The following SLC5A10 variants were observed in gnomAD, a reference collection of about 807,000 sequenced individuals.
SLC5A10 encodes sodium/mannose cotransporter SLC5A10.
SLC5A10 carries 55 observed loss-of-function variants against 68.9 expected under a neutral mutation model. The ratio of observed to expected loss-of-function variants is 0.80; its 90% CI spans 0.64 to 1.00. The LOEUF (loss-of-function observed/expected upper bound fraction) is 1.00. Among genes scored for constraint, SLC5A10 ranks in the 50% least tolerant of loss-of-function variants. The probability of loss-of-function intolerance (pLI) is 0.00; values close to 1 mark genes in which losing one functional copy is unlikely to be tolerated. For synonymous variants in SLC5A10, 344 were observed against 344.8 expected, an observed-to-expected ratio of 1.00 and a Z score of 0.02; for missense variants, 732 against 819.3, an observed-to-expected ratio of 0.89 and a Z score of 1.30.
chr17:18,983,720 G>A (rs543662937), intron 9 of SLC5A10, among the ~76,000 whole-genome samples: 25 of 152,306 alleles, frequency 1.6e-4, no homozygotes, highest in African/African-American at 6.0e-4. Flanking sequence ...GAGAGGGGTG[G>A]TCAACACTCA....
chr17:18,968,601 C>CTT lies in SLC5A10; in HGVS notation c.454-450_454-449insTT, dbSNP rs2042759273. On this transcript the variant is annotated intron_variant, in intron 5 of 14. Transcript: ENST00000395645. The surrounding 1 kb of genome is among the most constrained non-coding windows in gnomAD (Gnocchi z 4.1). ...GGGGGCAGGAAGCAAGGCTGCCCCT[C>CTT]TGTTTCCTGGTCCGCCCAGCACACA... Among the ~76,000 whole-genome samples the CTT allele has an allele frequency of 1.3e-5, 2 of 152,086 alleles. No individual in the cohort carries two copies. Among genetic ancestry groups the CTT allele is most frequent in the Admixed American group, 1.3e-4 (2 of 15,282 alleles).
chr17:18,966,091 C>G (rs755671473), intron 5 of SLC5A10, among the ~76,000 whole-genome samples: 2 of 152,164 alleles, frequency 1.3e-5, no homozygotes, highest in African/African-American at 4.8e-5. Flanking sequence ...CAACCAGGGC[C>G]GTGAAGCACT....
chr17:19,022,392 CAAT>C lies in SLC5A10; in HGVS notation c.*1963_*1965del, dbSNP rs1289964371. The C allele has an allele frequency of 3.4e-5, 13 of 387,424 alleles. No homozygotes were observed. In the East Asian group the frequency reaches 4.5e-4, roughly 13 times the overall value. 24.0% of individuals were successfully genotyped at this position (387,424 alleles called of 1,614,324 possible). A position where few individuals can be genotyped will look rare whatever the true frequency, so the allele number is the denominator to read the frequency against. Reference sequence around the variant, plus strand: ...GGCTTTCCCAGCCGCCCAGCTGGGACAATAGGGCTGGTGGGTCAGGGGACCTGA... The same window carrying C: ...GGCTTTCCCAGCCGCCCAGCTGGGACAGGGCTGGTGGGTCAGGGGACCTGA... On this transcript the variant is annotated 3_prime_UTR_variant, in exon 15 of 15. Transcript: ENST00000395645.
rs752060777 is a variant in SLC5A10, at chr17:19,019,752, G to A, written c.1450G>A (p.Ala484Thr). Reference protein sequence around the residue: ...WGLIAGLVVGATRLVLEFLNP... With the variant: ...WGLIAGLVVGTTRLVLEFLNP... ...CCTGATAGCAGGGCTGGTGGTGGGG[G>A]CCACGAGGCTGGTCCTGGAATTCCT... Residue 484 changes from alanine to threonine, a missense_variant, in exon 13 of 15, where the codon GCC becomes ACC. Physicochemically the swap from Ala to Thr is moderately conservative, Grantham distance 58. Coordinates refer to ENST00000395645, the MANE Select transcript of SLC5A10 (RefSeq NM_001042450.4). The A allele has an allele frequency of 1.9e-6, 3 of 1,612,258 alleles. No individual in the cohort carries two copies. Among genetic ancestry groups the A allele is most frequent in the Non-Finnish European group, 1.7e-6 (2 of 1,179,716 alleles).
intron 9 of SLC5A10, among the ~76,000 whole-genome samples, chr17:18,999,835 C>A (rs944591951): frequency 4.6e-5 from 7 of 152,240 alleles, no homozygotes; most frequent in African/African-American, 1.4e-4. Context: ...GCCTCACCTG[C>A]CCTCAGTTTC....
intron 9 of SLC5A10, chr17:18,977,761 C>T: frequency 6.2e-7 from 1 of 1,604,174 alleles, no homozygotes; most frequent in Non-Finnish European, 8.5e-7. Flanking sequence ...TGGCCACTTG[C>T]TCTGAGTGGC....
chr17:18,952,159 C>CT (rs1567772032), upstream of SLC5A10: 1 of 1,583,006 alleles, frequency 6.3e-7, no homozygotes, highest in Non-Finnish European at 8.6e-7. Context: ...ACCTGGTTTG[C>CT]CCCTCAGTCC....
At position 19,017,469 on chromosome 17, in the gene SLC5A10, G is replaced by T; in HGVS notation, c.1242-1954G>T. 1 of 1,383,504 alleles carries T rather than the reference G, an allele frequency of 7.2e-7. No homozygotes were observed. The highest frequency in any genetic ancestry group is 1.0e-6 in the Non-Finnish European group (1 of 996,070). The allele number at this position is 1,383,504 out of a possible 1,614,324, so 85.7% of individuals were successfully genotyped here. A position where few individuals can be genotyped will look rare whatever the true frequency, so the allele number is the denominator to read the frequency against. Reference sequence around the variant, plus strand: ...ACAGAGAGAAGACCAACAGCCCAGAGGCCTGGAGAGGAGGCCATCGCAGGG... The same window carrying T: ...ACAGAGAGAAGACCAACAGCCCAGATGCCTGGAGAGGAGGCCATCGCAGGG... On this transcript the variant is annotated intron_variant, in intron 11 of 14. Coordinates refer to ENST00000395645, the MANE Select transcript of SLC5A10 (RefSeq NM_001042450.4). This position sits in a 1 kb window ranked among gnomAD's most constrained non-coding sequence, Gnocchi z 5.6.
chr17:19,000,867 G>A lies in SLC5A10; in HGVS notation c.983-12543G>A, dbSNP rs537455022. On this transcript the variant is annotated intron_variant, in intron 9 of 14. Transcript: ENST00000395645. The surrounding 1 kb of genome is among the most constrained non-coding windows in gnomAD (Gnocchi z 5.2). The stretch of plus-strand genomic sequence containing the variant: ...CAGACAAAGCGCCCCGTCAGCATCC[G>A]TCAGTGTCCGGGCCCTGCCCCTGTG... Among the ~76,000 whole-genome samples, 21 of 152,282 alleles carry A rather than the reference G, an allele frequency of 1.4e-4. No individual in the cohort carries two copies. Among genetic ancestry groups the A allele is most frequent in the African/African-American group, 4.6e-4 (19 of 41,566 alleles).
intron 9 of SLC5A10, among the ~76,000 whole-genome samples, chr17:18,987,488 A>G (rs913408190): frequency 1.3e-5 from 2 of 152,242 alleles, no homozygotes; most frequent in Non-Finnish European, 2.9e-5. Flanking sequence ...GGCTGGCAGA[A>G]GGAGGGCTCC....
In SLC5A10 at chr17:19,004,568, T is replaced by A. The variant is rs2043827761; in HGVS notation, c.983-8842T>A. 6.6e-6 allele frequency: 1 copy of A among 151,698 alleles called. No individual in the cohort carries two copies. The highest frequency in any genetic ancestry group is 1.5e-5 in the Non-Finnish European group (1 of 67,880). The allele number at this position is 151,698 out of a possible 1,614,324, so 9.4% of individuals were successfully genotyped here. ...CGGGTAAGGGAGGGGTCTTAAAATT[T>A]CCGGGTGCCGGCAACCCAGGAGGCC... On this transcript the variant is annotated intron_variant, in intron 9 of 14. Coordinates refer to ENST00000395645, the MANE Select transcript of SLC5A10 (RefSeq NM_001042450.4). The surrounding 1 kb of genome is among the most constrained non-coding windows in gnomAD (Gnocchi z 5.4).
chr17:18,961,412 TC>T (rs2042611642), intron 5 of SLC5A10, among the ~76,000 whole-genome samples: 1 of 152,114 alleles, frequency 6.6e-6, no homozygotes, highest in Non-Finnish European at 1.5e-5. Context: ...CCTCCGAGCC[TC>T]CCTGTGCCTG....
intron 7 of SLC5A10, chr17:18,970,711 G>A (rs560297356): frequency 2.9e-5 from 12 of 417,472 alleles, no homozygotes; most frequent in African/African-American, 9.9e-5. Context: ...GCCCAAGGCC[G>A]ATGAGTGTCC....
intron 9 of SLC5A10, among the ~76,000 whole-genome samples, chr17:18,992,984 C>G (rs886284): frequency 0.084 from 12,809 of 152,260 alleles, 679 homozygotes; most frequent in South Asian, 0.24. Flanking sequence ...GACCACAGAA[C>G]CACTCTTGAA....
chr17:18,979,703 A>C, intron 9 of SLC5A10: 1 of 1,611,828 alleles, frequency 6.2e-7, no homozygotes, highest in Non-Finnish European at 8.5e-7. Flanking sequence ...ACAGAATTAC[A>C]CGACTGCAAC....
At chr17:18,982,439 C>T (rs2043162066) in intron 9 of SLC5A10, among the ~76,000 whole-genome samples, 1 of 152,232 alleles carries the variant, frequency 6.6e-6, no homozygotes, top group Non-Finnish European at 1.5e-5. Context: ...TGTCTCTGAG[C>T]TCCTGGGACA....
intron 9 of SLC5A10, among the ~76,000 whole-genome samples, chr17:19,008,872 G>A (rs1597904744): frequency 6.7e-6 from 1 of 150,104 alleles, no homozygotes; most frequent in East Asian, 2.0e-4. Context: ...GAGTGCAATG[G>A]CCTGATCTCG....
intron 9 of SLC5A10, among the ~76,000 whole-genome samples, chr17:18,986,934 T>C (rs2043284718): frequency 6.6e-6 from 1 of 152,122 alleles, no homozygotes; most frequent in Non-Finnish European, 1.5e-5. Flanking sequence ...CAGCACTAAT[T>C]ACGCGGCGGG....
At chr17:19,014,762 C>G (rs749566678) in intron 10 of SLC5A10, among the ~76,000 whole-genome samples, 4 of 152,146 alleles carry the variant, frequency 2.6e-5, no homozygotes. Context: ...CAGGCCTGAT[C>G]GCAGCCTCAG....
Sources: allele counts gnomAD v4.1 joint callset (sites outside exome capture counted in the v4.1 genomes callset), GRCh38; gene constraint gnomAD v4.1.1; non-coding constraint Gnocchi (gnomAD v3.1); transcripts MANE v1.5; gene names NCBI Gene and HGNC (gene_info 2026-07-23, HGNC 2026-07-21).